CETP: variants seen among roughly 807,000 people sequenced by gnomAD.
CETP encodes cholesteryl ester transfer protein, also known as BPI fold containing family F.
A neutral mutation model predicts 66.5 loss-of-function variants in CETP; 56 were observed. That is an observed-to-expected ratio of 0.84 (90% CI 0.68 to 1.05). The LOEUF (loss-of-function observed/expected upper bound fraction) is 1.05. CETP is among the 50% of genes least tolerant of loss of function. The pLI is 0.00. For synonymous variants in CETP, 251 were observed against 245.7 expected (o/e 1.02, Z -0.20); for missense variants, 612 against 609.6 (o/e 1.00, Z -0.04).
rs141299582 is a variant in CETP, at chr16:56,966,364, T to A, written c.234-3022T>A. ...TCCCCTGCTTTCCAGCAGCTGTGAT[T>A]GTCCCAAGTCCTGTCCTCTGGTTCT... On this transcript the variant is annotated intron_variant, in intron 2 of 15. Coordinates refer to ENST00000200676, the MANE Select transcript of CETP (RefSeq NM_000078.3). Among the ~76,000 whole-genome samples the A allele has an allele frequency of 1.3e-3, 198 of 152,312 alleles. 5 individuals carry two copies. The East Asian group carries it at 0.035, about 27-fold the overall frequency.
intron 2 of CETP, among the ~76,000 whole-genome samples, chr16:56,966,243 C>T (rs2056065173): frequency 6.6e-6 from 1 of 152,234 alleles, no homozygotes. Context: ...CTTTCTGCAG[C>T]TTCTAGAGGC....
intron 9 of CETP, among the ~76,000 whole-genome samples, chr16:56,974,568 CTG>C (rs1423692361): frequency 2.6e-5 from 4 of 152,186 alleles, no homozygotes; most frequent in African/African-American, 7.2e-5. Context: ...CACGTAGTAA[CTG>C]TGCATTAAAT....
At chr16:56,982,116 G>T (rs1368343139) in intron 13 of CETP, 49 bp from the exon 14 acceptor site, 1 of 1,559,166 alleles carries the variant, frequency 6.4e-7, no homozygotes, top group Admixed American at 1.7e-5. Flanking sequence ...TGCCTTGTGG[G>T]TCACTTCTGT....
At position 56,981,159 on chromosome 16, in the gene CETP, A is replaced by T. The variant is rs779915795; in HGVS notation, c.1148A>T (p.Asp383Val). 6.2e-7 allele frequency: 1 copy of T among 1,612,974 alleles called. No individual in the cohort carries two copies. Among genetic ancestry groups the T allele is most frequent in the South Asian group, 1.1e-5 (1 of 91,060 alleles). Residue 383 changes from aspartate (D) to valine (V), a missense_variant and splice_region_variant, in exon 12 of 16, where the codon GAT becomes GTT. Coordinates refer to ENST00000200676, the MANE Select transcript of CETP (RefSeq NM_000078.3). ...AGCAAATTTGGTTTCTCTCCCCAGG[A>T]TATCGTGACTACCGTCCAGGCCTCC... Reference protein sequence around the residue: ...QHSVAYTFEEDIVTTVQASYS... With the variant: ...QHSVAYTFEEVIVTTVQASYS...
rs1239970024 is a variant in CETP, at chr16:56,981,150, C to T, written c.1147-8C>T. On this transcript the variant is annotated splice_region_variant and splice_polypyrimidine_tract_variant and intron_variant, in intron 11 of 15. Coordinates refer to ENST00000200676, the MANE Select transcript of CETP (RefSeq NM_000078.3). ...CTGGCTCACAGCAAATTTGGTTTCT[C>T]TCCCCAGGATATCGTGACTACCGTC... is the stretch of plus-strand genomic sequence containing the variant. 1.2e-6 allele frequency: 2 copies of T among 1,611,696 alleles called. No homozygotes were observed. Among genetic ancestry groups the T allele is most frequent in the East Asian group, 2.2e-5 (1 of 44,862 alleles).
At chr16:56,981,302 G>T (rs1046027022) in intron 12 of CETP, 77 bp downstream of exon 12, 14 of 1,219,752 alleles carry the variant, frequency 1.1e-5, no homozygotes, top group Non-Finnish European at 1.6e-5. Flanking sequence ...GGCACAGGGC[G>T]GGGTGTTGGT....
intron 9 of CETP, among the ~76,000 whole-genome samples, chr16:56,974,683 C>G (rs1177369026): frequency 6.6e-6 from 1 of 152,136 alleles, no homozygotes; most frequent in Non-Finnish European, 1.5e-5. Flanking sequence ...GTTTTGCAAA[C>G]AAAAAAACCA....
chr16:56,970,997 T>C (rs2056105439), intron 5 of CETP, 36 bp from the exon 6 acceptor site: 1 of 1,608,990 alleles, frequency 6.2e-7, no homozygotes. Flanking sequence ...TGCACAGGAC[T>C]GGTCAGGGGC....
chr16:56,976,433 C>T (rs1408732886), intron 10 of CETP, among the ~76,000 whole-genome samples: 17 of 151,898 alleles, frequency 1.1e-4, no homozygotes, highest in East Asian at 1.9e-4. Flanking sequence ...TGAAAGTTGA[C>T]GAGGTCTTTT....
At chr16:56,970,955 C>A in intron 5 of CETP, 78 bp from the exon 6 acceptor site, 2 of 1,328,510 alleles carry the variant, frequency 1.5e-6, no homozygotes, top group Non-Finnish European at 2.2e-6. Flanking sequence ...GAGCCATGAA[C>A]GGTGCCTGGT....
intron 13 of CETP, 123 bp from the exon 14 acceptor site, chr16:56,982,042 G>A (rs1231849822): frequency 1.1e-6 from 1 of 930,642 alleles, no homozygotes; most frequent in African/African-American, 1.6e-5. Context: ...AAACGGAGTG[G>A]GTTGGATGTA....
intron 2 of CETP, among the ~76,000 whole-genome samples, chr16:56,967,928 TG>T (rs1230644566): frequency 6.6e-6 from 1 of 151,486 alleles, no homozygotes; most frequent in Non-Finnish European, 1.5e-5. Context: ...AACTGCACTC[TG>T]GCCTGGGCAA....
chr16:56,973,261 A>G (rs2056125824), intron 8 of CETP, 70 bp from the exon 9 acceptor site: 1 of 1,532,094 alleles, frequency 6.5e-7, no homozygotes. Context: ...GCTCCTCCCA[A>G]TCTCCCTGAA....
At chr16:56,979,599 C>T (rs2056174005) in intron 11 of CETP, among the ~76,000 whole-genome samples, 1 of 151,936 alleles carries the variant, frequency 6.6e-6, no homozygotes, top group African/African-American at 2.4e-5. Context: ...CAACCTCCAC[C>T]TTCCTGGTTC....
chr16:56,962,217 G>C, intron 1 of CETP, 120 bp downstream of exon 1: 1 of 861,718 alleles, frequency 1.2e-6, no homozygotes, highest in Non-Finnish European at 2.0e-6. Flanking sequence ...CCCAGAGAGA[G>C]GAGTGCCCTG....
intron 9 of CETP, 36 bp from the exon 10 acceptor site, chr16:56,975,065 C>G: frequency 6.2e-7 from 1 of 1,604,628 alleles, no homozygotes. Context: ...GTGGACTTTA[C>G]TCCACCCACC....
At chr16:56,976,161 A>T (rs1360296482) in intron 10 of CETP, among the ~76,000 whole-genome samples, 2 of 151,716 alleles carry the variant, frequency 1.3e-5, no homozygotes, top group East Asian at 1.9e-4. Context: ...CCTCCTCCCC[A>T]GGCTACCATT....
At chr16:56,962,659 C>A (rs1240292144) in intron 1 of CETP, among the ~76,000 whole-genome samples, 1 of 152,158 alleles carries the variant, frequency 6.6e-6, no homozygotes. Flanking sequence ...GAATTATAGA[C>A]CCCCAGGACT....
In CETP at chr16:56,975,132, A is replaced by C; in HGVS notation, c.962A>C (p.Asn321Thr). The C allele has an allele frequency of 6.2e-7, 1 of 1,613,942 alleles. No homozygotes were observed. Among genetic ancestry groups the C allele is most frequent in the Non-Finnish European group, 8.5e-7 (1 of 1,179,826 alleles). ...AVLETWGFNT[N>T]QEIFQEVVGG... ...CTGGAGACCTGGGGCTTCAACACCA[A>C]CCAGGAAATCTTCCAAGAGGTAACT... is the stretch of plus-strand genomic sequence containing the variant. The change falls in exon 10 of 16, where the codon AAC becomes ACC. Residue 321 changes from asparagine (N) to threonine (T), a missense_variant. Coordinates refer to ENST00000200676, the MANE Select transcript of CETP (RefSeq NM_000078.3).
Sources: gnomAD v4.1 joint callset for allele counts (sites outside exome capture counted in the v4.1 genomes callset) on GRCh38, gnomAD v4.1.1 for gene constraint, MANE v1.5 for transcripts, NCBI Gene and HGNC (gene_info 2026-07-23, HGNC 2026-07-21) for gene names.